The following GDAP2 variants were observed in gnomAD, a reference collection of about 807,000 sequenced individuals.
The protein encoded by GDAP2 is ganglioside induced differentiation associated protein 2.
A neutral mutation model predicts 67.0 loss-of-function variants in GDAP2; 51 were observed. The ratio of observed to expected loss-of-function variants is 0.76; its 90% CI spans 0.61 to 0.96. The LOEUF (loss-of-function observed/expected upper bound fraction) is 0.96, where lower values mean the gene tolerates loss of function less well. Ranked by LOEUF, GDAP2 falls within the 40% of genes least tolerant of loss-of-function variation. The pLI is 0.00. For missense variants in GDAP2, 547 were observed against 588.3 expected (o/e 0.93, Z 0.73); for synonymous variants, 203 against 207.3 (o/e 0.98, Z 0.18).
At chr1:117,928,732 A>T (rs1355966988) in intron 1 of GDAP2, among the ~76,000 whole-genome samples, 2 of 152,232 alleles carry the variant, frequency 1.3e-5, no homozygotes, top group Non-Finnish European at 2.9e-5. Context: ...CTGGCTGCAG[A>T]TACCTTGTTC....
At chr1:117,919,848 T>C (rs993991183) in intron 2 of GDAP2, among the ~76,000 whole-genome samples, 6 of 150,158 alleles carry the variant, frequency 4.0e-5, no homozygotes, top group Non-Finnish European at 7.4e-5. Flanking sequence ...AACTAACCTA[T>C]AGTGACAAGA....
In GDAP2 at chr1:117,893,536, TA is replaced by T. The variant is rs1481823115; in HGVS notation, c.953+3296del. ...GGCTTTTGAAAAGATATTTACTAACTAAAAACCTACTTACTTTTACATTTGT... is the reference window on the plus strand; with the variant it reads ...GGCTTTTGAAAAGATATTTACTAACTAAAACCTACTTACTTTTACATTTGT... On this transcript the variant is annotated intron_variant, in intron 8 of 13. Coordinates refer to ENST00000369443, the MANE Select transcript of GDAP2 (RefSeq NM_017686.4). Among the ~76,000 whole-genome samples the T allele has an allele frequency of 2.6e-5, 4 of 152,320 alleles. No homozygotes were observed. In the South Asian group the frequency reaches 8.3e-4, roughly 32 times the overall value.
At chr1:117,876,523 C>G (rs1207105102) in intron 13 of GDAP2, among the ~76,000 whole-genome samples, 1 of 152,164 alleles carries the variant, frequency 6.6e-6, no homozygotes, top group Non-Finnish European at 1.5e-5. Context: ...TTTTATGCCT[C>G]TCTTTGATCT....
intron 12 of GDAP2, among the ~76,000 whole-genome samples, chr1:117,880,050 T>C (rs1426489467): frequency 2.0e-5 from 3 of 152,088 alleles, no homozygotes; most frequent in African/African-American, 7.2e-5. Context: ...CCAGACATGA[T>C]GGTGCACGTC....
intron 2 of GDAP2, among the ~76,000 whole-genome samples, chr1:117,919,732 G>T (rs891546785): frequency 6.6e-5 from 10 of 152,114 alleles, no homozygotes; most frequent in African/African-American, 2.4e-4. Flanking sequence ...TTAAAGCAAT[G>T]AACTACTACT....
At chr1:117,900,182 T>G (rs763788376) in intron 6 of GDAP2, among the ~76,000 whole-genome samples, 6 of 152,204 alleles carry the variant, frequency 3.9e-5, no homozygotes, top group Non-Finnish European at 5.9e-5. Context: ...GGTGTTGCTA[T>G]GCTGCCCAGG....
At chr1:117,917,111 C>A in intron 3 of GDAP2, among the ~76,000 whole-genome samples, 1 of 151,642 alleles carries the variant, frequency 6.6e-6, no homozygotes, top group Middle Eastern at 3.4e-3. Flanking sequence ...AAGTGTTAAT[C>A]AAATGATGTT....
intron 8 of GDAP2, among the ~76,000 whole-genome samples, chr1:117,888,903 C>T (rs1648962598): frequency 1.3e-5 from 2 of 152,112 alleles, no homozygotes; most frequent in African/African-American, 4.8e-5. Context: ...GGAAGTCTGT[C>T]ACATACAGAC....
chr1:117,887,325 A>C (rs1648893161), intron 9 of GDAP2, among the ~76,000 whole-genome samples: 1 of 152,184 alleles, frequency 6.6e-6, no homozygotes, highest in South Asian at 2.1e-4. Flanking sequence ...ATTACTAAAA[A>C]GTACCGTCTG....
chr1:117,915,281 A>G (rs1354270382), intron 3 of GDAP2, among the ~76,000 whole-genome samples: 1 of 152,238 alleles, frequency 6.6e-6, no homozygotes, highest in African/African-American at 2.4e-5. Context: ...TAAATCAGAC[A>G]AATCTAGAAG....
chr1:117,896,903 C>G lies in GDAP2; in HGVS notation c.883G>C (p.Asp295His). 1 of 1,612,404 alleles carries G rather than the reference C, an allele frequency of 6.2e-7. No homozygotes were observed. The highest frequency in any genetic ancestry group is 8.5e-7 in the Non-Finnish European group (1 of 1,178,692). Reference sequence around the variant, plus strand: ...TGAAGGATCAGTTTTCTTTGCTTGTCAATATCTCCTTCCATTCGAGCAAAA... The same window carrying G: ...TGAAGGATCAGTTTTCTTTGCTTGTGAATATCTCCTTCCATTCGAGCAAAA... ...HAFARMEGDIDKQRKLILQGQ... is the reference protein window; with the variant it reads ...HAFARMEGDIHKQRKLILQGQ... The change falls in exon 8 of 14, where the codon GAC (aspartate) becomes CAC (histidine). Residue 295 changes from aspartate (D) to histidine (H), a missense_variant. Asp to His is a moderately conservative substitution (Grantham distance 81). Transcript: ENST00000369443.
rs1350262634 is a variant in GDAP2, at chr1:117,912,112, A to G, written c.471-30T>C. The G allele has an allele frequency of 3.1e-6, 4 of 1,300,106 alleles. No homozygotes were observed. In the African/African-American group the frequency reaches 5.8e-5, roughly 19 times the overall value. 80.5% of individuals were successfully genotyped at this position (1,300,106 alleles called of 1,614,324 possible). On this transcript the variant is annotated intron_variant, in intron 4 of 13. Transcript: ENST00000369443. The stretch of plus-strand genomic sequence containing the variant: ...AACAAAGGGAAAACACAAAAATTGC[A>G]CTAGAAATATCAGTAATACATACAC...
intron 3 of GDAP2, chr1:117,913,609 T>G (rs1649940344): frequency 6.6e-6 from 1 of 152,132 alleles, no homozygotes; most frequent in Admixed American, 6.6e-5. Flanking sequence ...CCTGGAGGAT[T>G]CCTTTCCAAG....
intron 13 of GDAP2, 40 bp downstream of exon 13, chr1:117,877,969 A>AAT: frequency 6.2e-7 from 1 of 1,607,926 alleles, no homozygotes; most frequent in East Asian, 2.2e-5. Flanking sequence ...AACAGTTAAT[A>AAT]TACCATACCA....
At chr1:117,923,879 G>A (rs1192815909) in intron 1 of GDAP2, among the ~76,000 whole-genome samples, 1 of 152,210 alleles carries the variant, frequency 6.6e-6, no homozygotes, top group Non-Finnish European at 1.5e-5. Context: ...ACATTTTAAT[G>A]TATATCTTAA....
intron 7 of GDAP2, among the ~76,000 whole-genome samples, 200 bp from the exon 8 acceptor site, chr1:117,897,189 G>T (rs1422548667): frequency 6.6e-6 from 1 of 152,194 alleles, no homozygotes. Context: ...GTGTGACAAA[G>T]GTTTTAGCAA....
chr1:117,921,310 A>G (rs1650247668), intron 1 of GDAP2, among the ~76,000 whole-genome samples: 1 of 152,246 alleles, frequency 6.6e-6, no homozygotes, highest in Non-Finnish European at 1.5e-5. Context: ...ACACTGGTGA[A>G]TAAGAGCAAG....
rs1426888566 is a variant in GDAP2, at chr1:117,906,490, A to G, written c.636+16T>C. On this transcript the variant is annotated intron_variant, in intron 6 of 13. Coordinates refer to ENST00000369443, the MANE Select transcript of GDAP2 (RefSeq NM_017686.4). ...ATAGAAATAAGATTTAAATAACGTA[A>G]CAGTTAGCAAAATACCTCTTCAAGA... 7 of 1,347,490 alleles carry G rather than the reference A, an allele frequency of 5.2e-6. No individual in the cohort carries two copies. The highest frequency in any genetic ancestry group is 2.9e-5 in the African/African-American group (2 of 68,806). The allele number at this position is 1,347,490 out of a possible 1,614,324, so 83.5% of individuals were successfully genotyped here.
chr1:117,892,461 A>G (rs1475761713), intron 8 of GDAP2, among the ~76,000 whole-genome samples: 1 of 152,184 alleles, frequency 6.6e-6, no homozygotes, highest in Non-Finnish European at 1.5e-5. Flanking sequence ...AAAGGAAAAT[A>G]TGAACTCAAA....
Sources: gnomAD v4.1 joint callset for allele counts (sites outside exome capture counted in the v4.1 genomes callset) on GRCh38, gnomAD v4.1.1 for gene constraint, MANE v1.5 for transcripts, NCBI Gene and HGNC (gene_info 2026-07-23, HGNC 2026-07-21) for gene names.